The following TMEM132E variants were observed in gnomAD, a reference collection of about 807,000 sequenced individuals.
The protein encoded by TMEM132E is transmembrane protein 132E.
In TMEM132E, 49 loss-of-function variants were observed where a neutral mutation model predicts 78.5. The observed-to-expected ratio is 0.62, with a 90% CI of 0.50 to 0.79. The LOEUF (loss-of-function observed/expected upper bound fraction) is 0.79, where lower values mean the gene tolerates loss of function less well. Ranked by LOEUF, TMEM132E falls within the 30% of genes least tolerant of loss-of-function variation. TMEM132E has a pLI of 0.00. For synonymous variants in TMEM132E, 715 were observed against 670.6 expected (o/e 1.07, Z -1.02); for missense variants, 1,403 against 1,470.9 (o/e 0.95, Z 0.75).
intron 1 of TMEM132E, among the ~76,000 whole-genome samples, chr17:34,623,022 T>C (rs183851115): frequency 1.4e-4 from 22 of 152,032 alleles, no homozygotes; most frequent in Non-Finnish European, 2.4e-4. Context: ...GAGAGAAACA[T>C]TGAATATCAA....
intron 7 of TMEM132E, 171 bp from the exon 8 acceptor site, chr17:34,635,836 A>T (rs1212968373): frequency 5.6e-6 from 3 of 536,470 alleles, no homozygotes; most frequent in Non-Finnish European, 8.8e-6. Context: ...ACCTCTGGAC[A>T]CTGGTTCCTG....
At chr17:34,603,415 C>A (rs146965987) in intron 1 of TMEM132E, among the ~76,000 whole-genome samples, 299 of 152,272 alleles carry the variant, frequency 2.0e-3, no homozygotes, top group Non-Finnish European at 3.1e-3. Flanking sequence ...AGCTAGCACC[C>A]TGTATAGTCG....
intron 3 of TMEM132E, 133 bp downstream of exon 3, chr17:34,628,842 C>T: frequency 7.3e-7 from 1 of 1,364,102 alleles, no homozygotes; most frequent in Non-Finnish European, 9.7e-7. Context: ...AGGTCCAGGC[C>T]CCTCAGTGGG....
In TMEM132E at chr17:34,581,066, C is replaced by G; in HGVS notation, c.-11C>G. 6.5e-7 allele frequency: 1 copy of G among 1,544,962 alleles called. No individual in the cohort carries two copies. Among genetic ancestry groups the G allele is most frequent in the Non-Finnish European group, 8.7e-7 (1 of 1,152,082 alleles). On this transcript the variant is annotated 5_prime_UTR_variant, in exon 1 of 9. Transcript: ENST00000631683. Reference sequence around the variant, plus strand: ...TTGCTCTCTCGGACCCCTCCCGCCCCCGCCTCGGCCATGGCCCCGGGGATG... The same window carrying G: ...TTGCTCTCTCGGACCCCTCCCGCCCGCGCCTCGGCCATGGCCCCGGGGATG...
intron 1 of TMEM132E, among the ~76,000 whole-genome samples, chr17:34,602,890 G>T (rs1304177091): frequency 6.6e-6 from 1 of 152,202 alleles, no homozygotes; most frequent in African/African-American, 2.4e-5. Context: ...AGGTCCACGT[G>T]GGATGGAAGT....
intron 1 of TMEM132E, among the ~76,000 whole-genome samples, chr17:34,582,130 T>C (rs1905508896): frequency 1.3e-5 from 2 of 150,716 alleles, no homozygotes; most frequent in Non-Finnish European, 3.0e-5. Context: ...GGATACATTT[T>C]CTTAACCAGC....
At chr17:34,583,298 G>A (rs1905558073) in intron 1 of TMEM132E, among the ~76,000 whole-genome samples, 1 of 152,220 alleles carries the variant, frequency 6.6e-6, no homozygotes, top group South Asian at 2.1e-4. Flanking sequence ...TGACTATCTG[G>A]CTTCCTTTCC....
rs969554925 is a variant in TMEM132E, at chr17:34,581,109, C to A, written c.33C>A (p.Ala11=). The change falls in exon 1 of 9, where the codon GCC becomes GCA. Residue 11 remains alanine, a synonymous_variant. Transcript: ENST00000631683. ...CGGGGATGTCGGGCCGCGGCGGCGC[C>A]GCCCTGCTCTGCCTCTCAGCGCTAC... MAPGMSGRGG[A]ALLCLSALLA... The A allele has an allele frequency of 1.3e-6, 2 of 1,536,238 alleles. No homozygotes were observed. Among genetic ancestry groups the A allele is most frequent in the Non-Finnish European group, 8.7e-7 (1 of 1,147,322 alleles).
intron 1 of TMEM132E, among the ~76,000 whole-genome samples, chr17:34,588,965 G>T (rs577144645): frequency 9.2e-5 from 14 of 152,278 alleles, no homozygotes; most frequent in Non-Finnish European, 1.8e-4. Context: ...TGTTGGCCAG[G>T]CTGGTCTCGA....
chr17:34,605,280 G>A (rs1378462186), intron 1 of TMEM132E, among the ~76,000 whole-genome samples: 3 of 152,148 alleles, frequency 2.0e-5, no homozygotes, highest in Admixed American at 1.3e-4. Context: ...GGAACCATGC[G>A]GTGCTTCAAA....
intron 1 of TMEM132E, among the ~76,000 whole-genome samples, chr17:34,583,930 A>G (rs1157114448): frequency 6.6e-6 from 1 of 152,214 alleles, no homozygotes. Flanking sequence ...CACTGTTCCC[A>G]GTCTCCAGCC....
chr17:34,589,804 G>A (rs1211801856), intron 1 of TMEM132E, among the ~76,000 whole-genome samples: 3 of 152,126 alleles, frequency 2.0e-5, no homozygotes, highest in African/African-American at 7.2e-5. Flanking sequence ...GAGGTGACCT[G>A]CCCCAGGATG....
At position 34,594,598 on chromosome 17, in the gene TMEM132E, C is replaced by T. The variant is rs79761454; in HGVS notation, c.67+13455C>T. On this transcript the variant is annotated intron_variant, in intron 1 of 8. Transcript: ENST00000631683. ...ACACTCGCTATTGTTTCATTCAGCA[C>T]ATGTTTTTTTGTTTGTTTGTTTTGT... is the stretch of plus-strand genomic sequence containing the variant. 7.2e-3 allele frequency among the ~76,000 whole-genome samples: 1,092 copies of T among 152,224 alleles called. 17 individuals carry two copies. Among genetic ancestry groups the T allele is most frequent in the African/African-American group, 0.025 (1,042 of 41,526 alleles).
chr17:34,629,922 G>A, intron 4 of TMEM132E, 86 bp from the exon 5 acceptor site: 1 of 1,421,786 alleles, frequency 7.0e-7, no homozygotes, highest in Non-Finnish European at 9.4e-7. Flanking sequence ...AGTGGGGGGG[G>A]AGCGTCCAGG....
chr17:34,586,543 G>A (rs553523446), intron 1 of TMEM132E, among the ~76,000 whole-genome samples: 3 of 152,010 alleles, frequency 2.0e-5, no homozygotes, highest in Middle Eastern at 3.4e-3. Context: ...CAACAAGTGG[G>A]GGGGGACAAG....
At chr17:34,593,158 G>A (rs1293984447) in intron 1 of TMEM132E, among the ~76,000 whole-genome samples, 2 of 151,854 alleles carry the variant, frequency 1.3e-5, no homozygotes, top group Non-Finnish European at 2.9e-5. Context: ...TGTAATCCTA[G>A]CACTTTGGGA....
At chr17:34,590,229 A>G (rs1382312113) in intron 1 of TMEM132E, among the ~76,000 whole-genome samples, 1 of 152,240 alleles carries the variant, frequency 6.6e-6, no homozygotes, top group East Asian at 1.9e-4. Flanking sequence ...GCTATGAGCC[A>G]CATCCTGTGC....
At chr17:34,592,565 C>T (rs1180546460) in intron 1 of TMEM132E, among the ~76,000 whole-genome samples, 1 of 152,216 alleles carries the variant, frequency 6.6e-6, no homozygotes, top group Non-Finnish European at 1.5e-5. Context: ...GGAGCCTCCT[C>T]ATCCACTCCT....
Position 34,638,849 on chromosome 17 carries a change from T to A in TMEM132E, c.*617T>A, listed in dbSNP as rs893735356. 3.9e-5 allele frequency: 6 copies of A among 152,238 alleles called. No homozygotes were observed. Among genetic ancestry groups the A allele is most frequent in the South Asian group, 2.1e-4 (1 of 4,814 alleles). 9.4% of individuals were successfully genotyped at this position (152,238 alleles called of 1,614,324 possible). A position where few individuals can be genotyped will look rare whatever the true frequency, so the allele number is the denominator to read the frequency against. ...CCTGGGAGCTGACTCTACAGAGAGG[T>A]CTGGTGCCAAGCCAGGCACCTTCCT... On this transcript the variant is annotated 3_prime_UTR_variant, in exon 9 of 9. Transcript: ENST00000631683.
Sources: gnomAD v4.1 joint callset for allele counts (sites outside exome capture counted in the v4.1 genomes callset) on GRCh38, gnomAD v4.1.1 for gene constraint, MANE v1.5 for transcripts, NCBI Gene and HGNC (gene_info 2026-07-23, HGNC 2026-07-21) for gene names.